Variants in CMKLR1 observed in about 807,000 individuals in gnomAD.
CMKLR1 encodes the protein chemerin chemokine-like receptor 1, also known as chemerin-like receptor 1.
A neutral mutation model predicts 8.2 loss-of-function variants in CMKLR1; 6 were observed. That is an observed-to-expected ratio of 0.73 (90% CI 0.40 to 1.44). CMKLR1 has a LOEUF of 1.44. Ranked by LOEUF, CMKLR1 falls within the 40% of genes most tolerant of loss-of-function variation. The pLI is 0.02. For missense variants in CMKLR1, 429 were observed against 478.0 expected (o/e 0.90, Z 0.96); for synonymous variants, 178 against 181.2 (o/e 0.98, Z 0.14).
intron 2 of CMKLR1, among the ~76,000 whole-genome samples, chr12:108,316,916 A>G (rs550320651): frequency 7.9e-5 from 12 of 152,278 alleles, no homozygotes; most frequent in Non-Finnish European, 1.5e-4. Flanking sequence ...CTCCCACTTC[A>G]GCCTCCTGAG....
intron 2 of CMKLR1, among the ~76,000 whole-genome samples, chr12:108,310,958 C>A (rs549364921): frequency 1.4e-5 from 2 of 142,690 alleles, no homozygotes; most frequent in African/African-American, 5.1e-5. Context: ...CGCCCCCCCA[C>A]CCCCCGCCCA....
At chr12:108,307,375 G>T (rs61935278) in intron 2 of CMKLR1, among the ~76,000 whole-genome samples, 17,762 of 152,176 alleles carry the variant, frequency 0.12, 1,199 homozygotes, top group South Asian at 0.15. Flanking sequence ...AGCGCCCCCT[G>T]AGAAGTCACT....
Position 108,293,008 on chromosome 12 carries a change from AGAG to A in CMKLR1, c.4-52_4-50del, listed in dbSNP as rs1256093007. 1.2e-5 allele frequency: 18 copies of A among 1,536,914 alleles called. No homozygotes were observed. The African/African-American group carries it at 2.5e-4, about 21-fold the overall frequency. Reference sequence around the variant, plus strand: ...TAGAGGAACCCTAGAGTTGGCTTTAAGAGGTTGACCAATACCAGCAAGACCAAC... The same window carrying A: ...TAGAGGAACCCTAGAGTTGGCTTTAAGTTGACCAATACCAGCAAGACCAAC... On this transcript the variant is annotated intron_variant, in intron 3 of 3. Coordinates refer to ENST00000550402, the MANE Select transcript of CMKLR1 (RefSeq NM_001142343.2).
intron 2 of CMKLR1, chr12:108,317,954 AC>A (rs1240056867): frequency 6.6e-6 from 1 of 152,168 alleles, no homozygotes; most frequent in Non-Finnish European, 1.5e-5. Flanking sequence ...TTTTGCATAA[AC>A]GGAAGTATAC....
chr12:108,306,582 A>T (rs1891414514), intron 2 of CMKLR1, among the ~76,000 whole-genome samples: 1 of 152,200 alleles, frequency 6.6e-6, no homozygotes, highest in Non-Finnish European at 1.5e-5. Flanking sequence ...ACTGGTTAGA[A>T]ACCTATCTAC....
Position 108,292,957 on chromosome 12 carries a change from T to C in CMKLR1, c.6A>G (p.Arg2=). The stretch of plus-strand genomic sequence containing the variant: ...AAGTGTTGTAATCTTCATCCTCCAT[T>C]CTCTGCAAGAGAAGACAGGGACCAT... M[R]MEDEDYNTSI... is the part of the protein sequence containing the mutation. Residue 2 remains arginine (R), a splice_region_variant and synonymous_variant, in exon 4 of 4, where the codon AGA becomes AGG. Coordinates refer to ENST00000550402, the MANE Select transcript of CMKLR1 (RefSeq NM_001142343.2). The C allele has an allele frequency of 1.2e-6, 2 of 1,604,086 alleles. No homozygotes were observed. The highest frequency in any genetic ancestry group is 1.1e-5 in the South Asian group (1 of 89,498).
At chr12:108,318,038 T>G (rs1484567098) in intron 2 of CMKLR1, 1 of 152,274 alleles carries the variant, frequency 6.6e-6, no homozygotes, top group African/African-American at 2.4e-5. Flanking sequence ...ATTAGTATAT[T>G]CATATGTACA....
At position 108,291,786 on chromosome 12, in the gene CMKLR1, T is replaced by A. The variant is rs901430528; in HGVS notation, c.*55A>T. On this transcript the variant is annotated 3_prime_UTR_variant, in exon 4 of 4. Coordinates refer to ENST00000550402, the MANE Select transcript of CMKLR1 (RefSeq NM_001142343.2). ...TTCTTGCCTTGATCTTCAGAAGACATATCCTTGGGTGTCCCTGGGTTGAGA... is the reference window on the plus strand; with the variant it reads ...TTCTTGCCTTGATCTTCAGAAGACAAATCCTTGGGTGTCCCTGGGTTGAGA... 9 of 1,532,480 alleles carry A rather than the reference T, an allele frequency of 5.9e-6. No homozygotes were observed. Among genetic ancestry groups the A allele is most frequent in the South Asian group, 1.3e-5 (1 of 78,502 alleles). 94.9% of individuals were successfully genotyped at this position (1,532,480 alleles called of 1,614,324 possible).
At chr12:108,311,284 A>ATG (rs1195069496) in intron 2 of CMKLR1, among the ~76,000 whole-genome samples, 1 of 83,388 alleles carries the variant, frequency 1.2e-5, no homozygotes, top group Non-Finnish European at 2.5e-5. Context: ...GTTGACATGA[A>ATG]TGTGTGTATG....
In CMKLR1 at chr12:108,323,448, T is replaced by C. The variant is rs543526786; in HGVS notation, c.-74+6547A>G. Among the ~76,000 whole-genome samples the C allele has an allele frequency of 5.9e-5, 9 of 152,232 alleles. No individual in the cohort carries two copies. The South Asian group carries it at 8.3e-4, about 14-fold the overall frequency. ...GGGTTGTCAACCCTTCTGTTTGACATTGGGGGAAACTAAGACCCAAAGGAC... is the reference window on the plus strand; with the variant it reads ...GGGTTGTCAACCCTTCTGTTTGACACTGGGGGAAACTAAGACCCAAAGGAC... On this transcript the variant is annotated intron_variant, in intron 2 of 3. Transcript: ENST00000550402.
rs1593155108 is a variant in CMKLR1 at position 108,292,092 on chromosome 12, C to T, written c.871G>A (p.Gly291Ser). 17 of 1,614,078 alleles carry T rather than the reference C, an allele frequency of 1.1e-5. No individual in the cohort carries two copies. Among genetic ancestry groups the T allele is most frequent in the Non-Finnish European group, 1.4e-5 (16 of 1,180,032 alleles). Residue 291 changes from glycine (G) to serine (S), a missense_variant, in exon 4 of 4, where the codon GGC (glycine) becomes AGC (serine). By Grantham distance (56) the Gly-to-Ser change is moderately conservative. Transcript: ENST00000550402. Reference protein sequence around the residue: ...LLELHHTAMPGSVFSLGLPLA... With the variant: ...LLELHHTAMPSSVFSLGLPLA... Reference sequence around the variant, plus strand: ...GGCAAACCCAGGCTGAAGACAGAGCCAGGCATGGCAGTGTGGTGGAGCTCT... The same window carrying T: ...GGCAAACCCAGGCTGAAGACAGAGCTAGGCATGGCAGTGTGGTGGAGCTCT...
intron 3 of CMKLR1, among the ~76,000 whole-genome samples, chr12:108,293,377 T>A (rs1479950638): frequency 6.6e-6 from 1 of 152,194 alleles, no homozygotes; most frequent in African/African-American, 2.4e-5. Context: ...TAGAGCCTAG[T>A]GGGGGAGACA....
chr12:108,325,234 T>C (rs1891955082), intron 2 of CMKLR1, among the ~76,000 whole-genome samples: 1 of 152,130 alleles, frequency 6.6e-6, no homozygotes, highest in African/African-American at 2.4e-5. Context: ...TCATGAGTCG[T>C]TCTGGAAACT....
intron 2 of CMKLR1, among the ~76,000 whole-genome samples, chr12:108,327,210 G>T (rs936313741): frequency 2.0e-5 from 3 of 152,228 alleles, no homozygotes; most frequent in Admixed American, 2.0e-4. Context: ...AGGCACGGTG[G>T]CTCATGCCTA....
intron 2 of CMKLR1, among the ~76,000 whole-genome samples, chr12:108,306,426 C>A (rs944677535): frequency 6.6e-6 from 1 of 152,132 alleles, no homozygotes; most frequent in Non-Finnish European, 1.5e-5. Flanking sequence ...CCTGCCAACA[C>A]TCTGACTCAG....
At chr12:108,294,952 T>A (rs948214499) in intron 2 of CMKLR1, among the ~76,000 whole-genome samples, 5 of 152,190 alleles carry the variant, frequency 3.3e-5, no homozygotes, top group Non-Finnish European at 5.9e-5. Context: ...ACTTGGAAAA[T>A]TCCATTGAGG....
At chr12:108,332,026 A>C (rs902652876) in intron 1 of CMKLR1, among the ~76,000 whole-genome samples, 8 of 152,232 alleles carry the variant, frequency 5.3e-5, no homozygotes, top group African/African-American at 1.9e-4. Flanking sequence ...TATAACACTC[A>C]GGAATTCATA....
At chr12:108,298,849 C>T (rs982797197) in intron 2 of CMKLR1, among the ~76,000 whole-genome samples, 2 of 152,212 alleles carry the variant, frequency 1.3e-5, no homozygotes, top group African/African-American at 2.4e-5. Flanking sequence ...CGCTCTTATC[C>T]CCCTGAGTCA....
chr12:108,338,254 C>A (rs1042501431), intron 1 of CMKLR1, among the ~76,000 whole-genome samples: 4 of 151,784 alleles, frequency 2.6e-5, no homozygotes, highest in African/African-American at 4.8e-5. Flanking sequence ...TACAAAGAAC[C>A]CTTAGATATC....
Sources: gnomAD v4.1 joint callset for allele counts (sites outside exome capture counted in the v4.1 genomes callset) on GRCh38, gnomAD v4.1.1 for gene constraint, MANE v1.5 for transcripts, NCBI Gene and HGNC (gene_info 2026-07-23, HGNC 2026-07-21) for gene names.